FHOD3: variants seen among roughly 807,000 people sequenced by gnomAD.
The protein encoded by FHOD3 is formin homology 2 domain containing 3, also known as FH1/FH2 domain-containing protein 3.
A neutral mutation model predicts 173.0 loss-of-function variants in FHOD3; 90 were observed. The observed-to-expected ratio is 0.52, with a 90% confidence interval of 0.44 to 0.62. The LOEUF is 0.62. Among genes scored for constraint, FHOD3 ranks in the 20% least tolerant of loss-of-function variants. The pLI is 0.00. For missense variants in FHOD3, 1,945 were observed against 2,034.7 expected, an observed-to-expected ratio of 0.96 and a Z score of 0.85; for synonymous variants, 828 against 823.0, an observed-to-expected ratio of 1.01 and a Z score of -0.10.
At chr18:36,477,015 G>A (rs2053609657) in intron 3 of FHOD3, among the ~76,000 whole-genome samples, 1 of 152,206 alleles carries the variant, frequency 6.6e-6, no homozygotes, top group South Asian at 2.1e-4. Context: ...AACTTGGTGT[G>A]CTGTGAGACC....
At chr18:36,540,771 A>G (rs1332210226) in intron 5 of FHOD3, among the ~76,000 whole-genome samples, 1 of 152,172 alleles carries the variant, frequency 6.6e-6, no homozygotes, top group Non-Finnish European at 1.5e-5. Flanking sequence ...TAGTTAATCC[A>G]TCTGGCATCT....
intron 1 of FHOD3, among the ~76,000 whole-genome samples, chr18:36,344,963 A>G (rs1338498241): frequency 3.3e-5 from 5 of 152,234 alleles, no homozygotes; most frequent in Non-Finnish European, 5.9e-5. Context: ...AGAAGAGTCC[A>G]CTAGGAAGTA....
chr18:36,770,795 C>A (rs1034517604), intron 28 of FHOD3, among the ~76,000 whole-genome samples: 2 of 152,070 alleles, frequency 1.3e-5, no homozygotes, highest in African/African-American at 2.4e-5. Flanking sequence ...TGGGCTGCAC[C>A]CACACACACT....
In FHOD3 at chr18:36,611,420, A is replaced by G. The variant is rs1599866591; in HGVS notation, c.814-532A>G. Among the ~76,000 whole-genome samples the G allele has an allele frequency of 3.3e-5, 5 of 152,116 alleles. 1 individual carries two copies. The highest frequency in any genetic ancestry group is 3.3e-4 in the Admixed American group (5 of 15,272). ...TCGCCCAGGACTGAAGTCTCATCTG[A>G]GACTTGGGGTCCTCTTCCAGGCCTA... On this transcript the variant is annotated intron_variant, in intron 8 of 28. Transcript: ENST00000590592.
At chr18:36,736,832 G>T (rs2041658282) in intron 20 of FHOD3, among the ~76,000 whole-genome samples, 1 of 152,188 alleles carries the variant, frequency 6.6e-6, no homozygotes, top group South Asian at 2.1e-4. Context: ...AGGCTTGAGG[G>T]TGGGGCCTTT....
At chr18:36,550,111 T>G (rs2057584520) in intron 5 of FHOD3, among the ~76,000 whole-genome samples, 1 of 151,732 alleles carries the variant, frequency 6.6e-6, no homozygotes, top group Non-Finnish European at 1.5e-5. Flanking sequence ...TTCCTTAGTA[T>G]CTAGAGAAAA....
At chr18:36,702,226 C>T (rs1370345372) in intron 17 of FHOD3, among the ~76,000 whole-genome samples, 1 of 152,154 alleles carries the variant, frequency 6.6e-6, no homozygotes, top group Non-Finnish European at 1.5e-5. Flanking sequence ...AAGGTTGGTG[C>T]TGAAGCCTCT....
intron 1 of FHOD3, among the ~76,000 whole-genome samples, chr18:36,336,187 A>G (rs148501171): frequency 6.6e-6 from 1 of 152,308 alleles, no homozygotes; most frequent in Non-Finnish European, 1.5e-5. Flanking sequence ...GTGCACCTCT[A>G]TGAGGATGAT....
intron 5 of FHOD3, among the ~76,000 whole-genome samples, chr18:36,517,839 C>A (rs1050892330): frequency 6.6e-6 from 1 of 152,160 alleles, no homozygotes; most frequent in Admixed American, 6.5e-5. Context: ...TTTCAGGCTT[C>A]TTTGGAAAAA....
At chr18:36,540,097 G>A (rs1200904529) in intron 5 of FHOD3, among the ~76,000 whole-genome samples, 1 of 152,316 alleles carries the variant, frequency 6.6e-6, no homozygotes, top group South Asian at 2.1e-4. Context: ...AAATGCAGGC[G>A]TGGGGTGGAG....
At chr18:36,463,689 T>C (rs2052730903) in intron 3 of FHOD3, among the ~76,000 whole-genome samples, 1 of 151,852 alleles carries the variant, frequency 6.6e-6, no homozygotes, top group African/African-American at 2.4e-5. Flanking sequence ...AGAGATAGGG[T>C]TTCACCATGT....
intron 10 of FHOD3, among the ~76,000 whole-genome samples, chr18:36,630,918 G>A (rs557474458): frequency 6.6e-6 from 1 of 152,370 alleles, no homozygotes; most frequent in South Asian, 2.1e-4. Flanking sequence ...AATGGGTCTT[G>A]TGGGAGTCAG....
chr18:36,780,185 T>C lies in FHOD3; in HGVS notation c.*655T>C. 1.6e-6 allele frequency: 2 copies of C among 1,231,848 alleles called. No homozygotes were observed. Among genetic ancestry groups the C allele is most frequent in the Non-Finnish European group, 2.0e-6 (2 of 988,028 alleles). The allele number at this position is 1,231,848 out of a possible 1,614,324, so 76.3% of individuals were successfully genotyped here. A position where few individuals can be genotyped will look rare whatever the true frequency, so the allele number is the denominator to read the frequency against. Reference sequence around the variant, plus strand: ...CGCTTGGAACGGCCTTCAGATCCTTTGGGCTGTATTTTGTTAATAGAGTGA... The same window carrying C: ...CGCTTGGAACGGCCTTCAGATCCTTCGGGCTGTATTTTGTTAATAGAGTGA... On this transcript the variant is annotated 3_prime_UTR_variant, in exon 29 of 29. Transcript: ENST00000590592.
chr18:36,644,078 G>A (rs1193125577), intron 10 of FHOD3, among the ~76,000 whole-genome samples: 1 of 152,110 alleles, frequency 6.6e-6, no homozygotes, highest in Non-Finnish European at 1.5e-5. Context: ...GCAGGCCTCT[G>A]GGTTGCTTTT....
At chr18:36,541,266 A>G (rs1027105329) in intron 5 of FHOD3, among the ~76,000 whole-genome samples, 17 of 148,374 alleles carry the variant, frequency 1.1e-4, no homozygotes, top group African/African-American at 3.0e-4. Flanking sequence ...AAAAAAAAAA[A>G]AAAAAAGAAA....
intron 17 of FHOD3, among the ~76,000 whole-genome samples, chr18:36,705,360 T>A (rs2149624733): frequency 6.6e-6 from 1 of 152,292 alleles, no homozygotes; most frequent in South Asian, 2.1e-4. Flanking sequence ...TCCCCCCTTT[T>A]AACTCATTTT....
intron 3 of FHOD3, among the ~76,000 whole-genome samples, chr18:36,455,405 G>A (rs1331163860): frequency 6.6e-6 from 1 of 152,040 alleles, no homozygotes; most frequent in African/African-American, 2.4e-5. Context: ...AACAAGAAGT[G>A]GGAAACATTT....
At chr18:36,535,521 C>T (rs982553822) in intron 5 of FHOD3, among the ~76,000 whole-genome samples, 11 of 152,190 alleles carry the variant, frequency 7.2e-5, no homozygotes, top group African/African-American at 2.7e-4. Flanking sequence ...ATCCTTTAAT[C>T]AGGTCCAGTG....
intron 17 of FHOD3, among the ~76,000 whole-genome samples, chr18:36,703,569 A>G (rs2039703946): frequency 1.3e-5 from 2 of 152,216 alleles, no homozygotes; most frequent in Non-Finnish European, 2.9e-5. Flanking sequence ...ATCTGGGTGT[A>G]GAAGGTGCTC....
Sources: allele counts gnomAD v4.1 joint callset (sites outside exome capture counted in the v4.1 genomes callset), GRCh38; gene constraint gnomAD v4.1.1; transcripts MANE v1.5; gene names NCBI Gene and HGNC (gene_info 2026-07-23, HGNC 2026-07-21).